Variants in CFAP20DC observed in about 807,000 individuals in gnomAD.
CFAP20DC encodes the protein CFAP20 domain containing.
A neutral mutation model predicts 101.7 loss-of-function variants in CFAP20DC; 84 were observed. The observed-to-expected ratio is 0.83, with a 90% confidence interval of 0.69 to 0.99. CFAP20DC has a LOEUF of 0.99. Among genes scored for constraint, CFAP20DC ranks in the 50% least tolerant of loss-of-function variants. The pLI, the probability that CFAP20DC is intolerant of heterozygous loss-of-function variation, is 0.00. For missense variants in CFAP20DC, 1,007 were observed against 970.3 expected, an observed-to-expected ratio of 1.04 and a Z score of -0.50; for synonymous variants, 359 against 351.2, an observed-to-expected ratio of 1.02 and a Z score of -0.25.
At chr3:58,814,484 A>T (rs2074951306) in intron 14 of CFAP20DC, among the ~76,000 whole-genome samples, 1 of 151,360 alleles carries the variant, frequency 6.6e-6, no homozygotes, top group Non-Finnish European at 1.5e-5. Context: ...CCTATTCAAC[A>T]TAGTGTTGGA....
chr3:58,940,310 G>C (rs1234730056), intron 4 of CFAP20DC, among the ~76,000 whole-genome samples: 1 of 152,224 alleles, frequency 6.6e-6, no homozygotes, highest in Admixed American at 6.5e-5. Context: ...ATGAAATATA[G>C]TTTACCATTA....
At chr3:58,903,478 G>A (rs946199036) in intron 6 of CFAP20DC, among the ~76,000 whole-genome samples, 7 of 152,106 alleles carry the variant, frequency 4.6e-5, no homozygotes, top group Non-Finnish European at 7.4e-5. Context: ...AGGCTGCTAT[G>A]AAGAAATATC....
At chr3:58,737,780 G>A (rs1404612377), downstream of CFAP20DC, among the ~76,000 whole-genome samples, 3 of 152,164 alleles carry the variant, frequency 2.0e-5, no homozygotes, top group African/African-American at 4.8e-5. The surrounding 1 kb of genome is among the most constrained non-coding windows in gnomAD (Gnocchi z 4.1). Context: ...AAAAGAGTGT[G>A]CATGGAGCAA....
chr3:58,994,869 C>T (rs940633626), intron 4 of CFAP20DC, among the ~76,000 whole-genome samples: 5 of 151,944 alleles, frequency 3.3e-5, no homozygotes, highest in Non-Finnish European at 5.9e-5. Flanking sequence ...CCAACAATTC[C>T]GGCAGGTGAG....
downstream of CFAP20DC, among the ~76,000 whole-genome samples, chr3:58,737,512 G>A (rs748719425): frequency 1.3e-5 from 2 of 152,174 alleles, no homozygotes; most frequent in Non-Finnish European, 2.9e-5. The surrounding 1 kb of genome is among the most constrained non-coding windows in gnomAD (Gnocchi z 4.1). Context: ...CAGAAAAAGA[G>A]TTCTGTAGAC....
rs140152626 is a variant in CFAP20DC, at chr3:59,007,354, G to A, written c.278+32203C>T. Among the ~76,000 whole-genome samples the A allele has an allele frequency of 6.6e-6, 1 of 152,268 alleles. No homozygotes were observed. Among genetic ancestry groups the A allele is most frequent in the East Asian group, 1.9e-4 (1 of 5,172 alleles). On this transcript the variant is annotated intron_variant, in intron 4 of 16. Coordinates refer to ENST00000482387, the MANE Select transcript of CFAP20DC (RefSeq NM_001394063.1). The surrounding 1 kb of genome is among the most constrained non-coding windows in gnomAD (Gnocchi z 4.4). Reference sequence around the variant, plus strand: ...AATACTTCCCCTGGCCAACTTAAGAGTAAGCTTAGATCTCCCTTCTACTAC... The same window carrying A: ...AATACTTCCCCTGGCCAACTTAAGAATAAGCTTAGATCTCCCTTCTACTAC...
intron 15 of CFAP20DC, among the ~76,000 whole-genome samples, chr3:58,762,075 C>T (rs1159930555): frequency 6.6e-6 from 1 of 152,140 alleles, no homozygotes; most frequent in Admixed American, 6.5e-5. Context: ...GAGCTGAGTT[C>T]AATTCCTGGA....
At chr3:58,746,534 C>T (rs2068217816) in intron 16 of CFAP20DC, among the ~76,000 whole-genome samples, 1 of 152,090 alleles carries the variant, frequency 6.6e-6, no homozygotes, top group Non-Finnish European at 1.5e-5. Flanking sequence ...TCTTTATCAC[C>T]CATTTGCAAA....
At chr3:58,725,614 A>G (rs1370293500) in intron 3 of CFAP20DC, among the ~76,000 whole-genome samples, 8 of 152,180 alleles carry the variant, frequency 5.3e-5, no homozygotes, top group Admixed American at 3.3e-4. Context: ...CAGTTCCCCA[A>G]AGCAGTGCCT....
In CFAP20DC at chr3:58,831,802, C is replaced by T; in HGVS notation, c.2059G>A (p.Glu687Lys). Residue 687 changes from glutamate to lysine, a missense_variant, in exon 14 of 17, where the codon GAA becomes AAA. By Grantham distance (56) the Glu-to-Lys change is moderately conservative. Transcript: ENST00000482387. ...LASLRWQQNE[E>K]LEDAGTSHGL... ...TGGGAGGTCCCAGCATCCTCCAGTT[C>T]TTCATTTTGTTGCCACCGTAGGCTT... 1 of 1,614,084 alleles carries T rather than the reference C, an allele frequency of 6.2e-7. No homozygotes were observed. Among genetic ancestry groups the T allele is most frequent in the Non-Finnish European group, 8.5e-7 (1 of 1,179,970 alleles).
Position 58,849,082 on chromosome 3 carries a change from A to G in CFAP20DC, c.1921T>C (p.Ser641Pro). 4.6e-6 allele frequency: 7 copies of G among 1,535,958 alleles called. No individual in the cohort carries two copies. Among genetic ancestry groups the G allele is most frequent in the Non-Finnish European group, 6.1e-6 (7 of 1,146,878 alleles). The part of the protein sequence containing the change: ...QQVPASLNKT[S>P]LKEISGERLS... Reference sequence around the variant, plus strand: ...CTTTCCCCTGAGATTTCTTTCAGGGAGGTTTTGTTTAGTGAAGCTGGCACT... The same window carrying G: ...CTTTCCCCTGAGATTTCTTTCAGGGGGGTTTTGTTTAGTGAAGCTGGCACT... The change falls in exon 13 of 17, where the codon TCC (serine) becomes CCC (proline). Residue 641 changes from serine (S) to proline (P), a missense_variant. Ser to Pro is a moderately conservative substitution (Grantham distance 74, BLOSUM62 -1). Transcript: ENST00000482387.
At chr3:58,813,518 C>G (rs1188325167) in intron 14 of CFAP20DC, among the ~76,000 whole-genome samples, 1 of 151,904 alleles carries the variant, frequency 6.6e-6, no homozygotes, top group African/African-American at 2.4e-5. Context: ...TCTCACCCAT[C>G]ATAATGTGGC....
At chr3:58,718,835 C>T (rs2067431089) in intron 3 of CFAP20DC, among the ~76,000 whole-genome samples, 1 of 152,184 alleles carries the variant, frequency 6.6e-6, no homozygotes, top group African/African-American at 2.4e-5. Flanking sequence ...GATCTCTTCT[C>T]CCTGCAAGCC....
intron 3 of CFAP20DC, among the ~76,000 whole-genome samples, chr3:59,044,879 T>C (rs1699717814): frequency 6.6e-6 from 1 of 152,066 alleles, no homozygotes. Context: ...CCTGTGCCTC[T>C]TGCAAGAAGA....
intron 4 of CFAP20DC, among the ~76,000 whole-genome samples, chr3:58,949,355 A>G (rs1329483292): frequency 1.3e-5 from 2 of 152,046 alleles, no homozygotes; most frequent in Admixed American, 1.3e-4. Flanking sequence ...TTGCTTCTCT[A>G]GTTCTTTTAA....
intron 12 of CFAP20DC, among the ~76,000 whole-genome samples, chr3:58,852,908 C>A (rs2078387393): frequency 6.6e-6 from 1 of 151,488 alleles, no homozygotes; most frequent in African/African-American, 2.4e-5. Context: ...GACACCCTAA[C>A]ATCACAATTA....
rs1402455794 is a variant in CFAP20DC, at chr3:58,728,533, G to A, written c.198-10905C>T. 6.6e-6 allele frequency among the ~76,000 whole-genome samples: 1 copy of A among 152,182 alleles called. No homozygotes were observed. Among genetic ancestry groups the A allele is most frequent in the African/African-American group, 2.4e-5 (1 of 41,446 alleles). On this transcript the variant is annotated intron_variant, in intron 3 of 3. Coordinates refer to the CFAP20DC transcript ENST00000486145. This position sits in a 1 kb window ranked among gnomAD's most constrained non-coding sequence, Gnocchi z 4.7. The stretch of plus-strand genomic sequence containing the variant: ...AATGAGGAAATTGGACATGGCCTTA[G>A]GATGAAATGGAAGGCAGGCACAGAT...
rs1022246408 is a variant in CFAP20DC at position 58,864,246 on chromosome 3, C to T, written c.1259-354G>A. Among the ~76,000 whole-genome samples, 41 of 152,188 alleles carry T rather than the reference C, an allele frequency of 2.7e-4. No homozygotes were observed. Among genetic ancestry groups the T allele is most frequent in the Admixed American group, 7.2e-4 (11 of 15,280 alleles). ...AGCTGGGATTACAGGCATGAGCCACCGCGCCTGGCCAAAAGTGTTATTTTA... is the reference window on the plus strand; with the variant it reads ...AGCTGGGATTACAGGCATGAGCCACTGCGCCTGGCCAAAAGTGTTATTTTA... On this transcript the variant is annotated intron_variant, in intron 11 of 16. Coordinates refer to ENST00000482387, the MANE Select transcript of CFAP20DC (RefSeq NM_001394063.1). The surrounding 1 kb of genome is among the most constrained non-coding windows in gnomAD (Gnocchi z 4.7).
At chr3:58,852,996 C>G (rs371331578) in intron 12 of CFAP20DC, among the ~76,000 whole-genome samples, 9 of 152,026 alleles carry the variant, frequency 5.9e-5, no homozygotes, top group African/African-American at 1.2e-4. Context: ...GAGCAGAACT[C>G]AAGGAAATAG....
Sources: allele counts gnomAD v4.1 joint callset (sites outside exome capture counted in the v4.1 genomes callset), GRCh38; gene constraint gnomAD v4.1.1; non-coding constraint Gnocchi (gnomAD v3.1); transcripts MANE v1.5; gene names NCBI Gene and HGNC (gene_info 2026-07-23, HGNC 2026-07-21).